TMPRSS11B: variants seen among roughly 807,000 people sequenced by gnomAD.
TMPRSS11B encodes transmembrane serine protease 11B.
Under a neutral mutation model 44.7 loss-of-function variants are expected in TMPRSS11B, and 53 were observed. That is an observed-to-expected ratio of 1.19 (90% CI 0.95 to 1.49). TMPRSS11B has a LOEUF of 1.49. Ranked by LOEUF, TMPRSS11B falls within the 40% of genes most tolerant of loss-of-function variation. TMPRSS11B has a pLI of 0.00. For missense variants in TMPRSS11B, 526 were observed against 494.8 expected (o/e 1.06, Z -0.60); for synonymous variants, 140 against 159.2 (o/e 0.88, Z 0.91).
At chr4:68,241,873 C>T in intron 1 of TMPRSS11B, 69 bp from the exon 2 acceptor site, 4 of 873,060 alleles carry the variant, frequency 4.6e-6, no homozygotes, top group South Asian at 1.4e-5. Flanking sequence ...TCTCCTTCAA[C>T]TCATAGTACA....
At position 68,227,001 on chromosome 4, in the gene TMPRSS11B, C is replaced by G. The variant is rs1323080551; in HGVS notation, c.*910G>C. ...TAAGGATAAATTTGTCAACTTATCA[C>G]AGATGATGGAGAGTGACTTTAACCA... On this transcript the variant is annotated 3_prime_UTR_variant, in exon 10 of 10. Coordinates refer to ENST00000332644, the MANE Select transcript of TMPRSS11B (RefSeq NM_182502.3). 1 of 152,174 alleles carries G rather than the reference C, an allele frequency of 6.6e-6. No individual in the cohort carries two copies. Among genetic ancestry groups the G allele is most frequent in the Non-Finnish European group, 1.5e-5 (1 of 68,036 alleles). 9.4% of individuals were successfully genotyped at this position (152,174 alleles called of 1,614,324 possible). A position where few individuals can be genotyped will look rare whatever the true frequency, so the allele number is the denominator to read the frequency against.
At chr4:68,233,531 A>G (rs1257404609) in intron 5 of TMPRSS11B, among the ~76,000 whole-genome samples, 2 of 152,130 alleles carry the variant, frequency 1.3e-5, no homozygotes, top group African/African-American at 2.4e-5. Context: ...CTTTTGGGAA[A>G]GAGGGATAGA....
intron 4 of TMPRSS11B, among the ~76,000 whole-genome samples, chr4:68,235,455 C>A (rs72649689): frequency 6.6e-6 from 1 of 152,112 alleles, no homozygotes; most frequent in Admixed American, 6.6e-5. Context: ...TACTCTTCCC[C>A]CATACACTAT....
chr4:68,239,006 A>G (rs1218491209), intron 2 of TMPRSS11B, among the ~76,000 whole-genome samples: 1 of 152,194 alleles, frequency 6.6e-6, no homozygotes, highest in Non-Finnish European at 1.5e-5. Flanking sequence ...TTCCAGTTAT[A>G]ATTTTACTGG....
chr4:68,234,506 G>A lies in TMPRSS11B; in HGVS notation c.426C>T (p.Asn142=). 1 of 1,613,960 alleles carries A rather than the reference G, an allele frequency of 6.2e-7. No individual in the cohort carries two copies. Among genetic ancestry groups the A allele is most frequent in the Non-Finnish European group, 8.5e-7 (1 of 1,179,936 alleles). The change falls in exon 5 of 10, where the codon AAC becomes AAT. Residue 142 remains asparagine, a synonymous_variant. Transcript: ENST00000332644. ...KAKLHQMLKN[N]MASWNAVPAS... ...CAGGAACTGCATTCCAGGATGCCAT[G>A]TTGTTTTTCAACATCTGATGTAATT...
At chr4:68,237,160 G>C (rs1285685882) in intron 2 of TMPRSS11B, among the ~76,000 whole-genome samples, 1 of 151,922 alleles carries the variant, frequency 6.6e-6, no homozygotes, top group African/African-American at 2.4e-5. Flanking sequence ...TCATTGTTCA[G>C]CTCCCACTTA....
intron 2 of TMPRSS11B, among the ~76,000 whole-genome samples, chr4:68,239,262 T>TCG (rs900339765): frequency 2.8e-5 from 4 of 144,550 alleles, no homozygotes; most frequent in African/African-American, 8.3e-5. Flanking sequence ...GCGCTCTCTC[T>TCG]CGCGCGCGCG....
At position 68,234,160 on chromosome 4, in the gene TMPRSS11B, CA is replaced by C. The variant is rs537430665; in HGVS notation, c.469+302del. Among the ~76,000 whole-genome samples the C allele has an allele frequency of 5.0e-4, 70 of 138,986 alleles. 1 individual carries two copies. The highest frequency in any genetic ancestry group is 7.4e-3 in the Middle Eastern group (2 of 270). 91.2% of individuals were successfully genotyped at this position (138,986 alleles called of 152,430 possible). A position where few individuals can be genotyped will look rare whatever the true frequency, so the allele number is the denominator to read the frequency against. ...TGGGCAACAGAGCAAGACTCCATCT[CA>C]AAAAAAAAAACAAGAAGATAATTCA... On this transcript the variant is annotated intron_variant, in intron 5 of 9. Transcript: ENST00000332644.
intron 2 of TMPRSS11B, among the ~76,000 whole-genome samples, chr4:68,237,616 G>T (rs1412064169): frequency 1.3e-5 from 2 of 152,114 alleles, no homozygotes; most frequent in African/African-American, 4.8e-5. Context: ...GTGGTGCTTT[G>T]TGTGAGTCAC....
At chr4:68,236,455 A>G (rs372701778) in intron 2 of TMPRSS11B, among the ~76,000 whole-genome samples, 189 bp from the exon 3 acceptor site, 1 of 152,162 alleles carries the variant, frequency 6.6e-6, no homozygotes, top group African/African-American at 2.4e-5. Flanking sequence ...TGCCTTAACC[A>G]TTTATACCTC....
intron 2 of TMPRSS11B, among the ~76,000 whole-genome samples, chr4:68,239,040 C>T (rs1016783865): frequency 6.6e-6 from 1 of 152,046 alleles, no homozygotes; most frequent in African/African-American, 2.4e-5. Flanking sequence ...TTCAAGGTAC[C>T]ATTTTAAAAT....
chr4:68,229,368 C>A lies in TMPRSS11B; in HGVS notation c.835G>T (p.Glu279Ter), dbSNP rs149786976. 95 of 1,613,940 alleles carry A rather than the reference C, an allele frequency of 5.9e-5. No individual in the cohort carries two copies. The African/African-American group carries it at 1.2e-3, about 21-fold the overall frequency. Residue 279 changes from glutamate (E) to a stop codon, truncating the protein, a stop_gained, in exon 8 of 10, where the codon GAA becomes TAA. Transcript: ENST00000332644. LOFTEE classifies it high-confidence loss of function. ...DDIALVQLAE[E>*]VSFTEYIRKI... The stretch of plus-strand genomic sequence containing the variant: ...CGAATGTACTCTGTAAAAGAAACTT[C>A]TTCAGCAAGCTGCACAAGGGCAATA...
chr4:68,244,462 C>CA (rs1173408332), intron 1 of TMPRSS11B, among the ~76,000 whole-genome samples: 10 of 152,056 alleles, frequency 6.6e-5, no homozygotes, highest in African/African-American at 1.7e-4. Context: ...CCATCTCTAC[C>CA]AAAAAATACA....
chr4:68,229,261 C>A lies in TMPRSS11B; in HGVS notation c.942G>T (p.Met314Ile). The A allele has an allele frequency of 6.3e-7, 1 of 1,596,658 alleles. No homozygotes were observed. Among genetic ancestry groups the A allele is most frequent in the South Asian group, 1.1e-5 (1 of 88,162 alleles). Residue 314 changes from methionine (M) to isoleucine (I), a missense_variant, in exon 8 of 10, where the codon ATG (methionine) becomes ATT (isoleucine). By Grantham distance (10) the Met-to-Ile change is conservative. Coordinates refer to ENST00000332644, the MANE Select transcript of TMPRSS11B (RefSeq NM_182502.3). ...VVVTGWGTLY[M>I]NGSFPVILQE... ...TGATTTTACAAAAAAACTTACCATT[C>A]ATATAAAGTGTTCCCCAACCTGTAA...
At chr4:68,240,319 C>T (rs138571017) in intron 2 of TMPRSS11B, among the ~76,000 whole-genome samples, 3 of 152,208 alleles carry the variant, frequency 2.0e-5, no homozygotes, top group Admixed American at 6.5e-5. Context: ...TTTACCACAG[C>T]GTTTGTGTCC....
chr4:68,230,674 C>T (rs1049203591), intron 7 of TMPRSS11B, among the ~76,000 whole-genome samples: 4 of 151,950 alleles, frequency 2.6e-5, no homozygotes, highest in African/African-American at 9.7e-5. Flanking sequence ...CATAGTGGTG[C>T]GTGCCTGTAA....
At chr4:68,228,636 CA>C in intron 9 of TMPRSS11B, 105 bp downstream of exon 9, 1 of 1,138,332 alleles carries the variant, frequency 8.8e-7, no homozygotes, top group Non-Finnish European at 1.2e-6. Flanking sequence ...TATTGAAATA[CA>C]AAGCTACTAT....
At chr4:68,230,634 T>C (rs902936937) in intron 7 of TMPRSS11B, among the ~76,000 whole-genome samples, 2 of 152,016 alleles carry the variant, frequency 1.3e-5, no homozygotes, top group African/African-American at 4.8e-5. Context: ...TAAAACCCCG[T>C]CTCTACTAAA....
rs553570824 is a variant in TMPRSS11B at position 68,231,062 on chromosome 4, C to T, written c.686+141G>A. 4.8e-6 allele frequency: 3 copies of T among 626,982 alleles called. No individual in the cohort carries two copies. The Admixed American group carries it at 1.2e-4, about 25-fold the overall frequency. The allele number at this position is 626,982 out of a possible 1,614,324, so 38.8% of individuals were successfully genotyped here. ...CATTTCCTTTCCTGCTCTTTAATTA[C>T]GCAGGTGATTGTAAATGTTCTATGT... On this transcript the variant is annotated intron_variant, in intron 7 of 9. Transcript: ENST00000332644.
Sources: gnomAD v4.1 joint callset for allele counts (sites outside exome capture counted in the v4.1 genomes callset) on GRCh38, gnomAD v4.1.1 for gene constraint, MANE v1.5 for transcripts, NCBI Gene and HGNC (gene_info 2026-07-23, HGNC 2026-07-21) for gene names.